Variants in CDK14 observed in about 807,000 individuals in gnomAD.
CDK14 encodes cyclin-dependent kinase 14.
Under a neutral mutation model 60.7 loss-of-function variants are expected in CDK14, and 34 were observed. The ratio of observed to expected loss-of-function variants is 0.56; its 90% CI spans 0.43 to 0.75. The LOEUF is 0.75. Among genes scored for constraint, CDK14 ranks in the 30% least tolerant of loss-of-function variants. The probability of loss-of-function intolerance (pLI) is 0.00; values close to 1 mark genes in which losing one functional copy is unlikely to be tolerated. For missense variants in CDK14, 482 were observed against 564.1 expected (o/e 0.85, Z 1.47); for synonymous variants, 197 against 203.7 (o/e 0.97, Z 0.28).
chr7:90,720,272 C>T (rs1217950836), intron 2 of CDK14, among the ~76,000 whole-genome samples: 1 of 152,086 alleles, frequency 6.6e-6, no homozygotes, highest in Non-Finnish European at 1.5e-5. Flanking sequence ...GGGATTTAAT[C>T]AACAAGTGCA....
intron 2 of CDK14, among the ~76,000 whole-genome samples, chr7:90,646,939 A>C (rs1234712480): frequency 6.6e-6 from 1 of 152,144 alleles, no homozygotes; most frequent in Non-Finnish European, 1.5e-5. Flanking sequence ...ATATTGCCAA[A>C]ATTGCCTGAT....
chr7:91,041,783 G>A (rs920142731), intron 10 of CDK14, among the ~76,000 whole-genome samples: 10 of 152,172 alleles, frequency 6.6e-5, no homozygotes, highest in East Asian at 1.9e-4. Flanking sequence ...TGAATTCAGC[G>A]TCTGGCCTCT....
chr7:91,063,369 G>A (rs902148224), intron 11 of CDK14, among the ~76,000 whole-genome samples: 3 of 152,160 alleles, frequency 2.0e-5, no homozygotes, highest in Non-Finnish European at 4.4e-5. Flanking sequence ...AGACCAACAG[G>A]ATGATAAACT....
At chr7:90,718,470 C>CTGTA (rs1428119646) in intron 2 of CDK14, among the ~76,000 whole-genome samples, 1 of 152,066 alleles carries the variant, frequency 6.6e-6, no homozygotes, top group African/African-American at 2.4e-5. Flanking sequence ...TAAAACAGAT[C>CTGTA]TGTATCATTT....
chr7:91,033,795 G>C (rs1796833950), intron 10 of CDK14, among the ~76,000 whole-genome samples: 1 of 152,186 alleles, frequency 6.6e-6, no homozygotes, highest in African/African-American at 2.4e-5. Context: ...CACTGCTGTG[G>C]CTCCCACAGT....
At chr7:90,983,939 A>C (rs909023510) in intron 9 of CDK14, among the ~76,000 whole-genome samples, 1 of 152,204 alleles carries the variant, frequency 6.6e-6, no homozygotes, top group Admixed American at 6.5e-5. Flanking sequence ...TGATGGGATC[A>C]TTCATACCTG....
chr7:90,830,119 G>A (rs888507432), intron 5 of CDK14, among the ~76,000 whole-genome samples: 1 of 152,140 alleles, frequency 6.6e-6, no homozygotes, highest in Admixed American at 6.5e-5. Flanking sequence ...CTGTGTGGGG[G>A]CTCCAACCCC....
chr7:90,844,964 G>A (rs1790418664), intron 5 of CDK14, among the ~76,000 whole-genome samples: 1 of 152,078 alleles, frequency 6.6e-6, no homozygotes, highest in African/African-American at 2.4e-5. Context: ...TCACAAGATG[G>A]CAGCTTGTGG....
At chr7:90,851,197 G>T (rs1790636414) in intron 5 of CDK14, among the ~76,000 whole-genome samples, 1 of 152,110 alleles carries the variant, frequency 6.6e-6, no homozygotes, top group African/African-American at 2.4e-5. Flanking sequence ...TGTCCTCAAT[G>T]GTCAAATAAA....
At position 90,659,871 on chromosome 7, in the gene CDK14, CTCTCTGTG is replaced by C. The variant is rs1413641388; in HGVS notation, c.123+55624_123+55631del. 8.1e-4 allele frequency among the ~76,000 whole-genome samples: 117 copies of C among 144,464 alleles called. 2 individuals carry two copies. Among genetic ancestry groups the C allele is most frequent in the Admixed American group, 3.4e-3 (48 of 14,256 alleles). The allele number at this position is 144,464 out of a possible 152,430, so 94.8% of individuals were successfully genotyped here. ...TCTCTCTCTCTCTCTCTCTCTCTCT[CTCTCTGTG>C]TGTGTGTGTGTGTGTGTGTGTGCAC... On this transcript the variant is annotated intron_variant, in intron 2 of 14. Coordinates refer to ENST00000380050, the MANE Select transcript of CDK14 (RefSeq NM_001287135.2).
At chr7:90,953,401 A>C (rs985803952) in intron 8 of CDK14, among the ~76,000 whole-genome samples, 1 of 152,176 alleles carries the variant, frequency 6.6e-6, no homozygotes, top group African/African-American at 2.4e-5. Context: ...ATAAAATTGG[A>C]GTAGTCTTTG....
At chr7:91,125,012 T>A (rs73708252) in intron 14 of CDK14, among the ~76,000 whole-genome samples, 3,217 of 152,288 alleles carry the variant, frequency 0.021, 93 homozygotes, top group African/African-American at 0.073. Flanking sequence ...GGTCTGCTGA[T>A]ACTCTAAGAA....
At chr7:90,783,786 G>A (rs6951213) in intron 4 of CDK14, among the ~76,000 whole-genome samples, 66,137 of 151,908 alleles carry the variant, frequency 0.44, 15,199 homozygotes, top group East Asian at 0.82. Flanking sequence ...AACAAATAGC[G>A]ATGAGGATAT....
At chr7:91,054,956 T>C (rs1327198147) in intron 11 of CDK14, among the ~76,000 whole-genome samples, 1 of 152,152 alleles carries the variant, frequency 6.6e-6, no homozygotes, top group African/African-American at 2.4e-5. Context: ...TGCTTTATGT[T>C]TTCAGAAAGA....
chr7:90,903,337 A>T (rs368205452), intron 7 of CDK14, among the ~76,000 whole-genome samples: 1 of 152,218 alleles, frequency 6.6e-6, no homozygotes, highest in East Asian at 1.9e-4. Context: ...AAATTGATAG[A>T]TAAAGAAAAT....
At chr7:90,767,280 T>C (rs1332416807) in intron 4 of CDK14, among the ~76,000 whole-genome samples, 1 of 152,242 alleles carries the variant, frequency 6.6e-6, no homozygotes, top group Non-Finnish European at 1.5e-5. Flanking sequence ...GGCCTATTTC[T>C]TGACCAAAGC....
chr7:90,803,362 T>A (rs984405378), intron 5 of CDK14, among the ~76,000 whole-genome samples: 1 of 152,072 alleles, frequency 6.6e-6, no homozygotes, highest in Non-Finnish European at 1.5e-5. Flanking sequence ...CCCAAATATT[T>A]AAGGCAAAAA....
chr7:91,018,750 C>T (rs116310885), intron 10 of CDK14, among the ~76,000 whole-genome samples: 10 of 152,318 alleles, frequency 6.6e-5, no homozygotes, highest in African/African-American at 2.2e-4. Flanking sequence ...GCTCTAGTCA[C>T]GTAAAACGTG....
chr7:90,951,530 A>G (rs1794263582), intron 8 of CDK14, among the ~76,000 whole-genome samples: 1 of 152,234 alleles, frequency 6.6e-6, no homozygotes, highest in Non-Finnish European at 1.5e-5. Flanking sequence ...AAGCAAAGGA[A>G]TGGGAATGAT....
Sources: allele counts gnomAD v4.1 joint callset (sites outside exome capture counted in the v4.1 genomes callset), GRCh38; gene constraint gnomAD v4.1.1; transcripts MANE v1.5; gene names NCBI Gene and HGNC (gene_info 2026-07-23, HGNC 2026-07-21).